TRMT44: variants seen among roughly 807,000 people sequenced by gnomAD.
TRMT44 encodes tRNA methyltransferase 44 homolog.
TRMT44 carries 78 observed loss-of-function variants against 77.3 expected under a neutral mutation model. The observed-to-expected ratio is 1.01, with a 90% CI of 0.84 to 1.22. TRMT44 has a LOEUF of 1.22. TRMT44 is among the 50% of genes most tolerant of loss of function. TRMT44 has a pLI of 0.00. For missense variants in TRMT44, 1,090 were observed against 964.4 expected, an observed-to-expected ratio of 1.13 and a Z score of -1.73; for synonymous variants, 391 against 383.3, an observed-to-expected ratio of 1.02 and a Z score of -0.23.
At chr4:8,447,072 C>T (rs1267776438) in intron 2 of TRMT44, among the ~76,000 whole-genome samples, 11 of 152,124 alleles carry the variant, frequency 7.2e-5, no homozygotes, top group East Asian at 1.9e-4. Context: ...GACGGGGTTT[C>T]GCCATGTTGG....
intron 8 of TRMT44, among the ~76,000 whole-genome samples, chr4:8,467,638 G>T (rs1302361619): frequency 6.6e-6 from 1 of 152,066 alleles, no homozygotes; most frequent in Admixed American, 6.6e-5. Flanking sequence ...GGGCCACCAC[G>T]CCCGGCTAAT....
intron 9 of TRMT44, among the ~76,000 whole-genome samples, chr4:8,469,654 G>A (rs996453570): frequency 6.6e-6 from 1 of 152,096 alleles, no homozygotes; most frequent in Non-Finnish European, 1.5e-5. Flanking sequence ...TCCTGCCTGC[G>A]CCTTGGAACT....
chr4:8,501,135 A>G, the TRMT44 span, among the ~76,000 whole-genome samples: 1 of 152,180 alleles, frequency 6.6e-6, no homozygotes, highest in Non-Finnish European at 1.5e-5. The surrounding 1 kb of genome is among the most constrained non-coding windows in gnomAD (Gnocchi z 4.4). Context: ...AGTGGATCCA[A>G]TTGAGTGCCT....
intron 2 of TRMT44, among the ~76,000 whole-genome samples, chr4:8,484,717 A>C (rs527754207): frequency 2.1e-4 from 32 of 152,198 alleles, no homozygotes; most frequent in African/African-American, 4.8e-4. Context: ...AGGATTTAGG[A>C]TCTATGGGGT....
At chr4:8,473,088 GCTGGGTCTTATCTCTGTATGA>G (rs1351296466) in intron 10 of TRMT44, among the ~76,000 whole-genome samples, 2 of 152,244 alleles carry the variant, frequency 1.3e-5, no homozygotes, top group Admixed American at 6.5e-5. Context: ...ATGCTCTGAA[GCTGGGTCTTATCTCTGTATGA>G]GGTTTAGGTT....
intron 2 of TRMT44, among the ~76,000 whole-genome samples, chr4:8,487,201 A>G (rs554957135): frequency 1.6e-4 from 25 of 152,202 alleles, no homozygotes; most frequent in Non-Finnish European, 2.6e-4. Context: ...ATTGGGGTCA[A>G]GCGGCATTGC....
chr4:8,472,121 C>T (rs1036762284), intron 10 of TRMT44, among the ~76,000 whole-genome samples: 2 of 151,392 alleles, frequency 1.3e-5, no homozygotes, highest in Non-Finnish European at 1.5e-5. Context: ...TAGGTGTCTT[C>T]TTGTGTCACC....
downstream of TRMT44, among the ~76,000 whole-genome samples, chr4:8,494,723 G>A (rs1430704336): frequency 2.0e-5 from 3 of 152,056 alleles, no homozygotes; most frequent in African/African-American, 7.3e-5. Context: ...CTTAACCTGG[G>A]CAAAATAAAC....
At chr4:8,503,169 C>A in the TRMT44 span, among the ~76,000 whole-genome samples, 3 of 152,188 alleles carry the variant, frequency 2.0e-5, no homozygotes, top group Non-Finnish European at 4.4e-5. Flanking sequence ...CAATTCTCAG[C>A]CAAAGAAACC....
intron 1 of TRMT44, among the ~76,000 whole-genome samples, chr4:8,442,535 T>C (rs12108233): frequency 0.018 from 2,748 of 152,374 alleles, 24 homozygotes; most frequent in African/African-American, 0.036. Context: ...TTCTGTAGGT[T>C]AGGAATCCCC....
intron 2 of TRMT44, among the ~76,000 whole-genome samples, chr4:8,487,709 G>T (rs950095719): frequency 1.3e-4 from 20 of 152,088 alleles, no homozygotes; most frequent in Admixed American, 2.6e-4. Flanking sequence ...AAGGGGTTGA[G>T]GGGTTCTTGC....
At chr4:8,496,900 G>A (rs1169445710), downstream of TRMT44, among the ~76,000 whole-genome samples, 1 of 151,854 alleles carries the variant, frequency 6.6e-6, no homozygotes, top group East Asian at 1.9e-4. Flanking sequence ...CCCATAAGAG[G>A]CCTTTGTGAT....
chr4:8,511,157 C>G, the TRMT44 span, among the ~76,000 whole-genome samples: 1 of 152,230 alleles, frequency 6.6e-6, no homozygotes, highest in East Asian at 1.9e-4. Context: ...AGTGTCTATG[C>G]TTAGTGATGT....
At position 8,444,373 on chromosome 4, in the gene TRMT44, G is replaced by T. The variant is rs1190305675; in HGVS notation, c.620-2103G>T. ...CTAGTATATGATAGTCTAACAGGGG[G>T]ATTATAATGAATAATAACTTAATTG... On this transcript the variant is annotated intron_variant, in intron 1 of 10. Coordinates refer to ENST00000389737, the MANE Select transcript of TRMT44 (RefSeq NM_152544.3). This position sits in a 1 kb window ranked among gnomAD's most constrained non-coding sequence, Gnocchi z 4.0. 6.6e-6 allele frequency among the ~76,000 whole-genome samples: 1 copy of T among 151,730 alleles called. No homozygotes were observed. Among genetic ancestry groups the T allele is most frequent in the East Asian group, 1.9e-4 (1 of 5,188 alleles).
intron 2 of TRMT44, among the ~76,000 whole-genome samples, chr4:8,482,045 G>C (rs1727630862): frequency 6.6e-6 from 1 of 152,194 alleles, no homozygotes; most frequent in Non-Finnish European, 1.5e-5. Context: ...ACTTGTTAAG[G>C]TGCGTGTCGA....
intron 9 of TRMT44, 83 bp downstream of exon 9, chr4:8,468,429 A>G: frequency 2.2e-6 from 3 of 1,392,202 alleles, no homozygotes; most frequent in Non-Finnish European, 3.0e-6. Context: ...ACCGACATGA[A>G]ATGGTGTGGC....
intron 2 of TRMT44, among the ~76,000 whole-genome samples, chr4:8,486,818 G>C (rs925933869): frequency 6.6e-6 from 1 of 152,186 alleles, no homozygotes; most frequent in African/African-American, 2.4e-5. Flanking sequence ...CGGGGTGTGA[G>C]GAGGGGAGGT....
chr4:8,491,472 C>T (rs540732310), intron 2 of TRMT44, among the ~76,000 whole-genome samples: 3 of 152,170 alleles, frequency 2.0e-5, no homozygotes, highest in South Asian at 4.1e-4. Context: ...TGGTGCTCGT[C>T]GGGGAGGCTC....
intron 2 of TRMT44, among the ~76,000 whole-genome samples, chr4:8,484,156 A>G (rs1727728953): frequency 6.6e-6 from 1 of 152,044 alleles, no homozygotes; most frequent in African/African-American, 2.4e-5. Flanking sequence ...AACTTCCATC[A>G]ATAAACTAAG....
Sources: gnomAD v4.1 joint callset for allele counts (sites outside exome capture counted in the v4.1 genomes callset) on GRCh38, gnomAD v4.1.1 for gene constraint, Gnocchi (gnomAD v3.1) non-coding constraint, MANE v1.5 for transcripts, NCBI Gene and HGNC (gene_info 2026-07-23, HGNC 2026-07-21) for gene names.